Variants in PCSK5 observed in about 807,000 individuals in gnomAD.
PCSK5 encodes prohormone convertase 5.
PCSK5 carries 129 observed loss-of-function variants against 233.2 expected under a neutral mutation model. The ratio of observed to expected loss-of-function variants is 0.55; its 90% confidence interval spans 0.48 to 0.64. PCSK5 has a LOEUF of 0.64. Among genes scored for constraint, PCSK5 ranks in the 30% least tolerant of loss-of-function variants. PCSK5 has a pLI of 0.00. For missense variants in PCSK5, 2,076 were observed against 2,430.1 expected, an observed-to-expected ratio of 0.85 and a Z score of 3.06; for synonymous variants, 825 against 879.2, an observed-to-expected ratio of 0.94 and a Z score of 1.09.
intron 24 of PCSK5, among the ~76,000 whole-genome samples, chr9:76,245,318 C>T (rs924654098): frequency 4.6e-5 from 7 of 151,990 alleles, no homozygotes; most frequent in Admixed American, 3.9e-4. Context: ...TGGGATAAAA[C>T]ATATCCAAAT....
chr9:76,032,470 T>A (rs1828690586), intron 5 of PCSK5, among the ~76,000 whole-genome samples: 1 of 152,134 alleles, frequency 6.6e-6, no homozygotes, highest in African/African-American at 2.4e-5. Context: ...ATGATTACAT[T>A]TCTAGTGCCA....
chr9:76,009,315 A>G (rs972098207), intron 3 of PCSK5, among the ~76,000 whole-genome samples: 4 of 151,982 alleles, frequency 2.6e-5, no homozygotes, highest in Admixed American at 2.6e-4. Flanking sequence ...AAATGAATTG[A>G]TGTTCTACTT....
At chr9:75,956,988 C>T (rs747233605) in intron 2 of PCSK5, among the ~76,000 whole-genome samples, 6 of 151,890 alleles carry the variant, frequency 4.0e-5, no homozygotes, top group Non-Finnish European at 7.4e-5. Context: ...CAAAATATTA[C>T]GAATAACATT....
intron 2 of PCSK5, among the ~76,000 whole-genome samples, chr9:75,960,165 G>T (rs1312882467): frequency 6.6e-6 from 1 of 152,082 alleles, no homozygotes; most frequent in East Asian, 1.9e-4. Context: ...TAGATTTTAG[G>T]TCTTTTTTCA....
At chr9:76,153,597 G>A (rs945339701) in intron 10 of PCSK5, among the ~76,000 whole-genome samples, 3 of 152,188 alleles carry the variant, frequency 2.0e-5, no homozygotes, top group Middle Eastern at 3.2e-3. Context: ...TGGCCGTATC[G>A]TAACCAACTG....
chr9:76,265,793 C>T (rs1451696168), intron 24 of PCSK5, among the ~76,000 whole-genome samples: 1 of 151,996 alleles, frequency 6.6e-6, no homozygotes, highest in Non-Finnish European at 1.5e-5. Flanking sequence ...AGTGGGTGAC[C>T]ACCTTCTAAA....
At chr9:76,141,823 T>C (rs1823237504) in intron 10 of PCSK5, among the ~76,000 whole-genome samples, 1 of 152,142 alleles carries the variant, frequency 6.6e-6, no homozygotes, top group African/African-American at 2.4e-5. Flanking sequence ...GATCATGTCT[T>C]TGAGGGAACG....
In PCSK5 at chr9:76,289,163, T is replaced by C. The variant is rs559007045; in HGVS notation, c.3143-3070T>C. Among the ~76,000 whole-genome samples the C allele has an allele frequency of 1.1e-4, 17 of 152,110 alleles. No homozygotes were observed. In the South Asian group the frequency reaches 3.1e-3, roughly 28 times the overall value. ...CCCCATACAAATGAGACAATAAAAA[T>C]GACTTTTCTCAAGACAGAAAGACGG... On this transcript the variant is annotated intron_variant, in intron 24 of 37. Transcript: ENST00000674117.
At chr9:76,160,981 C>A (rs546611242) in intron 12 of PCSK5, among the ~76,000 whole-genome samples, 1 of 152,090 alleles carries the variant, frequency 6.6e-6, no homozygotes, top group African/African-American at 2.4e-5. Flanking sequence ...ACCATGTTGG[C>A]CAGGCTGGTC....
chr9:75,891,053 C>CGCCCGTGGCTGCGAGCTGCGGCG lies in PCSK5; in HGVS notation c.-124_-123insTGGCTGCGAGCTGCGGCGGCCCG. 1 of 741,270 alleles carries CGCCCGTGGCTGCGAGCTGCGGCG rather than the reference C, an allele frequency of 1.3e-6. No individual in the cohort carries two copies. Among genetic ancestry groups the CGCCCGTGGCTGCGAGCTGCGGCG allele is most frequent in the Non-Finnish European group, 1.9e-6 (1 of 513,902 alleles). The allele number at this position is 741,270 out of a possible 1,614,324, so 45.9% of individuals were successfully genotyped here. A position where few individuals can be genotyped will look rare whatever the true frequency, so the allele number is the denominator to read the frequency against. ...CCGGGGCTAGCCGCCTCCTGCCGAT[C>CGCCCGTGGCTGCGAGCTGCGGCG]GCCCGGGGCTGCGAGCTGCGGCGGC... On this transcript the variant is annotated 5_prime_UTR_variant, in exon 1 of 38. Coordinates refer to ENST00000674117, the MANE Select transcript of PCSK5 (RefSeq NM_001372043.1).
rs150423581 is a variant in PCSK5, at chr9:76,145,085, G to A, written c.1312+10873G>A. Among the ~76,000 whole-genome samples, 577 of 152,104 alleles carry A rather than the reference G, an allele frequency of 3.8e-3. 3 individuals are homozygous for A. Among genetic ancestry groups the A allele is most frequent in the African/African-American group, 0.013 (530 of 41,500 alleles). On this transcript the variant is annotated intron_variant, in intron 10 of 37. Transcript: ENST00000674117. ...GGTTGCAGTGAGCCAAGATTGTGCC[G>A]CTGCACTCCAGTCTGAGCGACAGAG...
chr9:76,032,682 G>T (rs1828698323), intron 5 of PCSK5, among the ~76,000 whole-genome samples: 2 of 152,150 alleles, frequency 1.3e-5, no homozygotes. Flanking sequence ...AAATAAAGCT[G>T]ACTGCATTGT....
At chr9:76,316,644 G>A (rs1432557787) in intron 30 of PCSK5, among the ~76,000 whole-genome samples, 1 of 148,644 alleles carries the variant, frequency 6.7e-6, no homozygotes, top group Admixed American at 6.8e-5. Flanking sequence ...AGGCCAAAGT[G>A]GGAGGATCAC....
chr9:76,156,918 A>G (rs1822610431), intron 10 of PCSK5, 127 bp from the exon 11 acceptor site: 5 of 689,696 alleles, frequency 7.2e-6, no homozygotes, highest in South Asian at 6.8e-5. Context: ...TGCTGGATTT[A>G]TTTCTCAAAT....
rs749185093 is a variant in PCSK5, at chr9:76,296,872, G to GC, written c.3523+13dup. ...GAGGGCAAATTCTGGAATGGTATGT[G>GC]CCCCCCAAAAAAGAGGTCACAGGGG... On this transcript the variant is annotated splice_region_variant and intron_variant, in intron 27 of 37. Transcript: ENST00000674117. 1.1e-5 allele frequency: 17 copies of GC among 1,587,690 alleles called. No individual in the cohort carries two copies. Among genetic ancestry groups the GC allele is most frequent in the South Asian group, 5.5e-5 (5 of 90,296 alleles).
chr9:76,134,323 GACAA>G lies in PCSK5; in HGVS notation c.1312+117_1312+120del, dbSNP rs940970381. 48 of 603,054 alleles carry G rather than the reference GACAA, an allele frequency of 8.0e-5. 1 individual carries two copies. The highest frequency in any genetic ancestry group is 5.2e-4 in the African/African-American group (27 of 51,792). 37.4% of individuals were successfully genotyped at this position (603,054 alleles called of 1,614,324 possible). On this transcript the variant is annotated intron_variant, in intron 10 of 37. Coordinates refer to ENST00000674117, the MANE Select transcript of PCSK5 (RefSeq NM_001372043.1). ...CAAACGAAACTTTAAACTTTGTGCT[GACAA>G]ACAAAGAGCTTGATCTTTTAGTAAA...
intron 2 of PCSK5, among the ~76,000 whole-genome samples, chr9:75,932,929 T>C (rs905454650): frequency 6.6e-6 from 1 of 152,120 alleles, no homozygotes; most frequent in African/African-American, 2.4e-5. Context: ...TTGGCACTGA[T>C]AGACCCACAC....
intron 17 of PCSK5, among the ~76,000 whole-genome samples, chr9:76,185,225 G>A (rs1285636501): frequency 6.6e-6 from 1 of 152,090 alleles, no homozygotes; most frequent in African/African-American, 2.4e-5. Context: ...TTATGCTATG[G>A]TATGCACATA....
chr9:75,995,243 A>C (rs1826960914), intron 3 of PCSK5, among the ~76,000 whole-genome samples: 1 of 152,172 alleles, frequency 6.6e-6, no homozygotes, highest in Admixed American at 6.5e-5. Context: ...TGTGATAACT[A>C]TCCTTCCCAT....
Sources: gnomAD v4.1 joint callset for allele counts (sites outside exome capture counted in the v4.1 genomes callset) on GRCh38, gnomAD v4.1.1 for gene constraint, MANE v1.5 for transcripts, NCBI Gene and HGNC (gene_info 2026-07-23, HGNC 2026-07-21) for gene names.